ADAM12: variants seen among roughly 807,000 people sequenced by gnomAD.
ADAM12 encodes the protein disintegrin and metalloproteinase domain-containing protein 12.
In ADAM12, 70 loss-of-function variants were observed where a neutral mutation model predicts 106.4. The ratio of observed to expected loss-of-function variants is 0.66; its 90% CI spans 0.54 to 0.80. The LOEUF (loss-of-function observed/expected upper bound fraction) is 0.80, where lower values mean the gene tolerates loss of function less well. ADAM12 is among the 30% of genes least tolerant of loss of function. The probability of loss-of-function intolerance (pLI) is 0.00; values close to 1 mark genes in which losing one functional copy is unlikely to be tolerated. For missense variants in ADAM12, 1,010 were observed against 1,171.9 expected (o/e 0.86, Z 2.02); for synonymous variants, 420 against 433.5 (o/e 0.97, Z 0.39).
intron 2 of ADAM12, among the ~76,000 whole-genome samples, chr10:126,329,943 A>G (rs1222227333): frequency 2.6e-5 from 4 of 152,242 alleles, no homozygotes; most frequent in Admixed American, 1.3e-4. Context: ...CAATTATTTT[A>G]TATTATTCTT....
intron 3 of ADAM12, among the ~76,000 whole-genome samples, chr10:126,160,379 C>T (rs943465294): frequency 6.6e-6 from 1 of 152,176 alleles, no homozygotes; most frequent in Non-Finnish European, 1.5e-5. Context: ...CAACTCCCCC[C>T]TCTCCAAAAA....
chr10:126,049,035 T>G lies in ADAM12; in HGVS notation c.1917+218A>C, dbSNP rs1391780686. 6.6e-6 allele frequency among the ~76,000 whole-genome samples: 1 copy of G among 152,220 alleles called. No individual in the cohort carries two copies. The highest frequency in any genetic ancestry group is 6.5e-5 in the Admixed American group (1 of 15,282). On this transcript the variant is annotated intron_variant, in intron 16 of 22. Coordinates refer to ENST00000448723, the MANE Select transcript of ADAM12 (RefSeq NM_001288973.2). The surrounding 1 kb of genome is among the most constrained non-coding windows in gnomAD (Gnocchi z 4.4). ...CACCTGGAGTGTAGAAATGACTTAT[T>G]AACACTCAAGGCCTAAGAAGACAGG...
intron 6 of ADAM12, among the ~76,000 whole-genome samples, chr10:126,117,410 AAC>A (rs1202514154): frequency 2.0e-5 from 3 of 152,192 alleles, no homozygotes; most frequent in Non-Finnish European, 4.4e-5. Flanking sequence ...GTGGCCAGAA[AAC>A]ACAGACTGCT....
At chr10:126,103,643 G>C (rs1182509526) in intron 8 of ADAM12, among the ~76,000 whole-genome samples, 1 of 152,148 alleles carries the variant, frequency 6.6e-6, no homozygotes, top group Non-Finnish European at 1.5e-5. Context: ...CATCTTCTGT[G>C]AGCACTAAGA....
chr10:126,041,593 G>C (rs1475716687), intron 18 of ADAM12: 1 of 986,034 alleles, frequency 1.0e-6, no homozygotes, highest in Non-Finnish European at 1.2e-6. Context: ...CAGTTTGCTT[G>C]GATGGAGATG....
At chr10:126,086,672 AAAAAAAAAATATATATATAT>A (rs1298704067) in intron 11 of ADAM12, among the ~76,000 whole-genome samples, 2 of 38,030 alleles carry the variant, frequency 5.3e-5, no homozygotes, top group African/African-American at 5.0e-4. Context: ...AAAAAAAAAA[AAAAAAAAAATATATATATAT>A]ATATATATAT....
chr10:126,200,611 A>G (rs1384929136), intron 3 of ADAM12, among the ~76,000 whole-genome samples: 1 of 152,138 alleles, frequency 6.6e-6, no homozygotes. Flanking sequence ...TGGGGTGCCA[A>G]TAAGATAATG....
chr10:126,146,583 A>G (rs1956632461), intron 4 of ADAM12, among the ~76,000 whole-genome samples: 1 of 152,182 alleles, frequency 6.6e-6, no homozygotes, highest in South Asian at 2.1e-4. Flanking sequence ...ATTGCAATTT[A>G]GTTCACTGCA....
chr10:126,255,033 G>T (rs916410405), intron 3 of ADAM12, among the ~76,000 whole-genome samples: 1 of 152,156 alleles, frequency 6.6e-6, no homozygotes, highest in Non-Finnish European at 1.5e-5. Flanking sequence ...GGCCACCCTC[G>T]GAGCACGGCT....
rs754933150 is a variant in ADAM12 at position 126,064,774 on chromosome 10, C to T, written c.1609+32G>A. On this transcript the variant is annotated intron_variant, in intron 14 of 22. Transcript: ENST00000448723. This position sits in a 1 kb window ranked among gnomAD's most constrained non-coding sequence, Gnocchi z 4.4. ...CCACAGCCCAGGTCTGCCAGTGCCTCTCCTGATGCCGAGCTTGTGGCGGCC... is the reference window on the plus strand; with the variant it reads ...CCACAGCCCAGGTCTGCCAGTGCCTTTCCTGATGCCGAGCTTGTGGCGGCC... 4 of 1,570,838 alleles carry T rather than the reference C, an allele frequency of 2.5e-6. No homozygotes were observed. The South Asian group carries it at 3.6e-5, about 14-fold the overall frequency.
At chr10:126,027,139 A>T (rs923823994) in intron 21 of ADAM12, among the ~76,000 whole-genome samples, 32 of 152,306 alleles carry the variant, frequency 2.1e-4, no homozygotes, top group Non-Finnish European at 3.1e-4. Flanking sequence ...TAAACTAGAA[A>T]ATCTAGAGCA....
At chr10:126,308,916 C>A (rs1241286373) in intron 2 of ADAM12, among the ~76,000 whole-genome samples, 1 of 152,164 alleles carries the variant, frequency 6.6e-6, no homozygotes, top group Admixed American at 6.6e-5. Context: ...TGTCATGAAG[C>A]CCCTTCTGGG....
At chr10:126,339,605 G>A (rs779550346) in intron 1 of ADAM12, among the ~76,000 whole-genome samples, 2 of 152,104 alleles carry the variant, frequency 1.3e-5, no homozygotes, top group Non-Finnish European at 2.9e-5. Context: ...CCTTTAACAA[G>A]AGCAAACATC....
At chr10:126,084,070 C>T (rs1192894874) in intron 11 of ADAM12, among the ~76,000 whole-genome samples, 2 of 152,214 alleles carry the variant, frequency 1.3e-5, no homozygotes, top group Non-Finnish European at 2.9e-5. Flanking sequence ...CCCCAGAATG[C>T]AGCCATCTGC....
At chr10:126,190,481 C>T (rs1040922935) in intron 3 of ADAM12, among the ~76,000 whole-genome samples, 7 of 152,072 alleles carry the variant, frequency 4.6e-5, no homozygotes, top group Non-Finnish European at 8.8e-5. Flanking sequence ...GGTGGGATTA[C>T]AGGCATGAGA....
At chr10:126,199,681 G>A (rs916802177) in intron 3 of ADAM12, among the ~76,000 whole-genome samples, 5 of 152,072 alleles carry the variant, frequency 3.3e-5, no homozygotes, top group Admixed American at 1.3e-4. Context: ...CTAAATCAGA[G>A]AAAAATAAAC....
At chr10:126,101,036 CTTTT>C (rs111657886) in intron 9 of ADAM12, 32 bp downstream of exon 9, 1 of 1,309,476 alleles carries the variant, frequency 7.6e-7, no homozygotes, top group Non-Finnish European at 1.0e-6. Flanking sequence ...GAGAGCACTC[CTTTT>C]TTTTTTAAGC....
chr10:126,129,942 A>G (rs1201946646), intron 5 of ADAM12, among the ~76,000 whole-genome samples: 2 of 152,042 alleles, frequency 1.3e-5, no homozygotes, highest in African/African-American at 2.4e-5. Flanking sequence ...TCCTTCTTCT[A>G]TGTTCTAGAA....
At chr10:126,280,053 T>A (rs936326174) in intron 2 of ADAM12, among the ~76,000 whole-genome samples, 3 of 152,204 alleles carry the variant, frequency 2.0e-5, no homozygotes, top group African/African-American at 7.2e-5. Flanking sequence ...TCGAAAGATC[T>A]TTTCACAATA....
Sources: allele counts gnomAD v4.1 joint callset (sites outside exome capture counted in the v4.1 genomes callset), GRCh38; gene constraint gnomAD v4.1.1; non-coding constraint Gnocchi (gnomAD v3.1); transcripts MANE v1.5; gene names NCBI Gene and HGNC (gene_info 2026-07-23, HGNC 2026-07-21).